Variants in TRPS1 observed in about 807,000 individuals in gnomAD.
TRPS1 encodes zinc finger transcription factor Trps1.
Under a neutral mutation model 101.2 loss-of-function variants are expected in TRPS1, and 6 were observed. The ratio of observed to expected loss-of-function variants is 0.06; its 90% CI spans 0.03 to 0.12. TRPS1 has a LOEUF of 0.12. Ranked by LOEUF, TRPS1 falls within the 10% of genes least tolerant of loss-of-function variation. The probability of loss-of-function intolerance (pLI) is 1.00; values close to 1 mark genes in which losing one functional copy is unlikely to be tolerated. For synonymous variants in TRPS1, 578 were observed against 589.8 expected (o/e 0.98, Z 0.29); for missense variants, 1,363 against 1,567.0 (o/e 0.87, Z 2.20).
chr8:115,495,177 T>C (rs1414624710), intron 5 of TRPS1, among the ~76,000 whole-genome samples: 1 of 152,106 alleles, frequency 6.6e-6, no homozygotes, highest in Non-Finnish European at 1.5e-5. Context: ...TAAACAGAAG[T>C]AGCGGTAGAA....
chr8:115,620,209 C>G, intron 2 of TRPS1, 149 bp from the exon 3 acceptor site: 1 of 745,248 alleles, frequency 1.3e-6, no homozygotes, highest in South Asian at 2.0e-5. Context: ...ATTCTAAAAA[C>G]AGCAAAAAGT....
intron 5 of TRPS1, among the ~76,000 whole-genome samples, chr8:115,453,980 A>G (rs957563951): frequency 1.3e-5 from 2 of 152,024 alleles, no homozygotes; most frequent in Admixed American, 1.3e-4. Context: ...TGGTCTCCAC[A>G]CTCCTATTTA....
chr8:115,514,023 A>G (rs933703440), intron 5 of TRPS1, among the ~76,000 whole-genome samples: 1 of 151,688 alleles, frequency 6.6e-6, no homozygotes, highest in African/African-American at 2.4e-5. Context: ...CATGGTATCT[A>G]AGTTAAACAA....
At position 115,529,462 on chromosome 8, in the gene TRPS1, C is replaced by T. The variant is rs540885604; in HGVS notation, c.2700+57539G>A. Among the ~76,000 whole-genome samples the T allele has an allele frequency of 1.8e-4, 28 of 151,994 alleles. 1 individual carries two copies. The highest frequency in any genetic ancestry group is 1.5e-3 in the South Asian group (7 of 4,814). ...TTTATGCTAATTAAAAGGCATGATC[C>T]GGAAATCACTGAAAAAGATTACTCT... On this transcript the variant is annotated intron_variant, in intron 5 of 6. Transcript: ENST00000395715.
At chr8:115,660,264 T>C (rs533113126) in intron 1 of TRPS1, among the ~76,000 whole-genome samples, 8 of 152,180 alleles carry the variant, frequency 5.3e-5, no homozygotes, top group African/African-American at 1.9e-4. Flanking sequence ...ATATTATTAA[T>C]GTTTATTGAT....
intron 1 of TRPS1, among the ~76,000 whole-genome samples, chr8:115,643,090 A>C (rs189291124): frequency 6.6e-6 from 1 of 152,160 alleles, no homozygotes; most frequent in African/African-American, 2.4e-5. Flanking sequence ...AGTTAAAAAC[A>C]TTCTTTATTA....
intron 5 of TRPS1, among the ~76,000 whole-genome samples, chr8:115,520,078 C>G (rs1815820276): frequency 6.6e-6 from 1 of 151,560 alleles, no homozygotes; most frequent in Non-Finnish European, 1.5e-5. Flanking sequence ...TCAATGTAAT[C>G]ATAATTGTTT....
intron 5 of TRPS1, among the ~76,000 whole-genome samples, chr8:115,444,537 A>C (rs1409242146): frequency 1.3e-5 from 2 of 152,190 alleles, no homozygotes; most frequent in Non-Finnish European, 2.9e-5. Flanking sequence ...GGTAGTTCTA[A>C]CATTTTCAAA....
At chr8:115,415,908 TA>T (rs1476744826) in intron 6 of TRPS1, among the ~76,000 whole-genome samples, 3 of 152,166 alleles carry the variant, frequency 2.0e-5, no homozygotes, top group Non-Finnish European at 2.9e-5. Flanking sequence ...TATAAAATAT[TA>T]ATATCAGAGC....
At chr8:115,667,020 C>T (rs958569924) in intron 1 of TRPS1, among the ~76,000 whole-genome samples, 1 of 152,156 alleles carries the variant, frequency 6.6e-6, no homozygotes, top group African/African-American at 2.4e-5. Context: ...TCCAAAATGG[C>T]ATAAGAATGA....
chr8:115,664,029 C>G (rs1482278245), intron 1 of TRPS1, among the ~76,000 whole-genome samples: 1 of 151,856 alleles, frequency 6.6e-6, no homozygotes. Flanking sequence ...ATAATAAAAT[C>G]GAAGATATTA....
At chr8:115,499,964 T>TTTCTTTTCTTTC (rs138777804) in intron 5 of TRPS1, among the ~76,000 whole-genome samples, 1 of 51,794 alleles carries the variant, frequency 1.9e-5, no homozygotes, top group African/African-American at 4.8e-5. Flanking sequence ...TCTTTCTTTC[T>TTTCTTTTCTTTC]TTTCTTTTCT....
At chr8:115,486,600 T>A (rs1814885625) in intron 5 of TRPS1, among the ~76,000 whole-genome samples, 1 of 152,232 alleles carries the variant, frequency 6.6e-6, no homozygotes, top group Admixed American at 6.5e-5. Flanking sequence ...GTCACGTGAA[T>A]ATACAAATGA....
chr8:115,498,381 C>G lies in TRPS1; in HGVS notation c.2701-79929G>C, dbSNP rs1387047362. ...CAACAAAGAGAGAGCCCGTCTCTCT[C>G]TCTCTCTCTCTCTCTCTCTCTCTCT... On this transcript the variant is annotated intron_variant, in intron 5 of 6. Transcript: ENST00000395715. Among the ~76,000 whole-genome samples the G allele has an allele frequency of 2.1e-3, 130 of 63,338 alleles. 4 individuals carry two copies. Among genetic ancestry groups the G allele is most frequent in the African/African-American group, 2.6e-3 (39 of 14,740 alleles). 41.6% of individuals were successfully genotyped at this position (63,338 alleles called of 152,430 possible). A position where few individuals can be genotyped will look rare whatever the true frequency, so the allele number is the denominator to read the frequency against.
intron 5 of TRPS1, among the ~76,000 whole-genome samples, chr8:115,509,433 C>T (rs1278227258): frequency 6.6e-6 from 1 of 151,974 alleles, no homozygotes; most frequent in Non-Finnish European, 1.5e-5. Flanking sequence ...GTGAATATCT[C>T]AGGAATAATC....
chr8:115,469,677 C>T lies in TRPS1; in HGVS notation c.2701-51225G>A, dbSNP rs148617476. ...CACCAGATACCCTAAATCAGGCTTCCGCCACCAAACCTGGCTAATTTTTGT... is the reference window on the plus strand; with the variant it reads ...CACCAGATACCCTAAATCAGGCTTCTGCCACCAAACCTGGCTAATTTTTGT... On this transcript the variant is annotated intron_variant, in intron 5 of 6. Transcript: ENST00000395715. Among the ~76,000 whole-genome samples the T allele has an allele frequency of 3.9e-5, 6 of 152,082 alleles. No individual in the cohort carries two copies. In the East Asian group the frequency reaches 9.7e-4, roughly 25 times the overall value.
intron 3 of TRPS1, among the ~76,000 whole-genome samples, chr8:115,614,006 G>A (rs920785782): frequency 2.6e-5 from 4 of 152,130 alleles, no homozygotes; most frequent in Admixed American, 2.6e-4. Context: ...GACATCTATG[G>A]TCTAATGACT....
In TRPS1 at chr8:115,604,509, T is replaced by C. The variant is rs1267419657; in HGVS notation, c.1460A>G (p.Lys487Arg). The C allele has an allele frequency of 6.2e-7, 1 of 1,614,092 alleles. No individual in the cohort carries two copies. ...SGGLNPELND[K>R]LSRGSVINQN... ...ATTAATGACAGAGCCCCTGGAAAGC[T>C]TATCATTTAACTCTGGATTAAGGCC... The change falls in exon 4 of 7, where the codon AAG (lysine) becomes AGG (arginine). Residue 487 changes from lysine to arginine, a missense_variant. By Grantham distance (26) the Lys-to-Arg change is conservative. Transcript: ENST00000395715. This position sits in a 1 kb window ranked among gnomAD's most constrained non-coding sequence, Gnocchi z 4.1.
At position 115,435,998 on chromosome 8, in the gene TRPS1, TCACACACACACACACA is replaced by T. The variant is rs4027183; in HGVS notation, c.2701-17562_2701-17547del. 2.0e-3 allele frequency among the ~76,000 whole-genome samples: 272 copies of T among 134,076 alleles called. 3 individuals are homozygous for T. The highest frequency in any genetic ancestry group is 9.3e-3 in the South Asian group (37 of 3,986). The allele number at this position is 134,076 out of a possible 152,430, so 88.0% of individuals were successfully genotyped here. A position where few individuals can be genotyped will look rare whatever the true frequency, so the allele number is the denominator to read the frequency against. ...TCTAAATGCTACAACAAATGAGAAA[TCACACACACACACACA>T]CACACACACACACACACACACACAC... On this transcript the variant is annotated intron_variant, in intron 5 of 6. Coordinates refer to ENST00000395715, the MANE Select transcript of TRPS1 (RefSeq NM_014112.5).
Sources: allele counts gnomAD v4.1 joint callset (sites outside exome capture counted in the v4.1 genomes callset), GRCh38; gene constraint gnomAD v4.1.1; non-coding constraint Gnocchi (gnomAD v3.1); transcripts MANE v1.5; gene names NCBI Gene and HGNC (gene_info 2026-07-23, HGNC 2026-07-21).